PARD3: variants seen among roughly 807,000 people sequenced by gnomAD.
The protein encoded by PARD3 is par-3 family cell polarity regulator, also known as partitioning defective 3 homolog.
In PARD3, 75 loss-of-function variants were observed where a neutral mutation model predicts 155.4. That is an observed-to-expected ratio of 0.48 (90% CI 0.40 to 0.58). PARD3 has a LOEUF of 0.58. Ranked by LOEUF, PARD3 falls within the 20% of genes least tolerant of loss-of-function variation. The pLI is 0.00. For missense variants in PARD3, 1,642 were observed against 1,721.7 expected, an observed-to-expected ratio of 0.95 and a Z score of 0.82; for synonymous variants, 576 against 610.5, an observed-to-expected ratio of 0.94 and a Z score of 0.83.
chr10:34,158,468 A>G (rs1949120080), intron 22 of PARD3, among the ~76,000 whole-genome samples: 1 of 152,208 alleles, frequency 6.6e-6, no homozygotes, highest in Non-Finnish European at 1.5e-5. Flanking sequence ...GCTAGGGTGA[A>G]AGCTAAGCAA....
intron 7 of PARD3, among the ~76,000 whole-genome samples, chr10:34,397,757 T>C (rs567386968): frequency 1.3e-5 from 2 of 152,320 alleles, no homozygotes; most frequent in African/African-American, 4.8e-5. Context: ...GTAATTGAAA[T>C]GCTGGCTCAA....
intron 23 of PARD3, among the ~76,000 whole-genome samples, chr10:34,128,107 G>A (rs1006660463): frequency 6.6e-6 from 1 of 152,170 alleles, no homozygotes; most frequent in Admixed American, 6.6e-5. Context: ...TTGATTTCAT[G>A]AGGTGCTTTT....
chr10:34,229,661 CGTGTGTGT>C (rs57319517), intron 22 of PARD3, among the ~76,000 whole-genome samples: 5 of 145,618 alleles, frequency 3.4e-5, no homozygotes, highest in African/African-American at 5.0e-5. Context: ...GTTGAGGGTG[CGTGTGTGT>C]GTGTGTGTGT....
At chr10:34,691,193 C>A (rs1014703380) in intron 2 of PARD3, among the ~76,000 whole-genome samples, 2 of 152,058 alleles carry the variant, frequency 1.3e-5, no homozygotes, top group African/African-American at 4.8e-5. Flanking sequence ...CCTAGAAAAC[C>A]CCACAGTCTC....
At chr10:34,291,145 T>A (rs892420446) in intron 20 of PARD3, among the ~76,000 whole-genome samples, 5 of 152,198 alleles carry the variant, frequency 3.3e-5, no homozygotes, top group African/African-American at 1.2e-4. Flanking sequence ...TTGCTTAAAG[T>A]CCTAATAGGT....
At chr10:34,492,721 T>C (rs746483044) in intron 3 of PARD3, among the ~76,000 whole-genome samples, 1 of 151,756 alleles carries the variant, frequency 6.6e-6, no homozygotes, top group Non-Finnish European at 1.5e-5. Context: ...CAGAAATGTG[T>C]TGGGTACCCT....
At position 34,814,936 on chromosome 10, in the gene PARD3, G is replaced by T; in HGVS notation, c.60C>A (p.His20Gln). ...TRVVVPCGDG[H>Q]MKVFSLIQQA... ...GCTGGATGAGGCTGAAAACTTTCAT[G>T]TGGCCGTCCCCGCACGGCACGACCA... Residue 20 changes from histidine (H) to glutamine (Q), a missense_variant, in exon 1 of 25, where the codon CAC becomes CAA. His to Gln is a conservative substitution (Grantham distance 24). Around this residue, in one of 3 missense-constraint regions of PARD3, gnomAD observed 75 missense variants for 65.3 expected, o/e 1.15. Coordinates refer to ENST00000374788, the MANE Select transcript of PARD3 (RefSeq NM_001184785.2). 6.4e-7 allele frequency: 1 copy of T among 1,567,486 alleles called. No individual in the cohort carries two copies. The highest frequency in any genetic ancestry group is 8.6e-7 in the Non-Finnish European group (1 of 1,159,038).
intron 1 of PARD3, among the ~76,000 whole-genome samples, chr10:34,743,390 G>C (rs1381661121): frequency 6.6e-6 from 1 of 152,190 alleles, no homozygotes; most frequent in Non-Finnish European, 1.5e-5. Context: ...CTTCAGATCA[G>C]TTTCTTTGAT....
intron 7 of PARD3, among the ~76,000 whole-genome samples, chr10:34,384,636 C>T (rs897125889): frequency 3.9e-5 from 6 of 152,134 alleles, no homozygotes; most frequent in East Asian, 1.9e-4. Context: ...CCAGCTGGCA[C>T]GCTAGCTTAA....
intron 2 of PARD3, among the ~76,000 whole-genome samples, chr10:34,529,741 CT>C (rs34318724): frequency 2.0e-5 from 3 of 149,782 alleles, no homozygotes; most frequent in African/African-American, 2.5e-5. Context: ...TTTTACTTTA[CT>C]TTTTTTTTTG....
chr10:34,618,110 C>A (rs545974060), intron 2 of PARD3, among the ~76,000 whole-genome samples: 12 of 152,266 alleles, frequency 7.9e-5, no homozygotes, highest in Non-Finnish European at 1.8e-4. Context: ...AAAAACAAAG[C>A]ACAAATCCTC....
intron 18 of PARD3, among the ~76,000 whole-genome samples, chr10:34,334,483 A>G (rs1439403676): frequency 6.6e-6 from 1 of 151,840 alleles, no homozygotes; most frequent in African/African-American, 2.4e-5. Flanking sequence ...TGATTCTCCC[A>G]AAAACCTTTG....
At chr10:34,121,084 A>T (rs192173342) in intron 23 of PARD3, among the ~76,000 whole-genome samples, 286 of 152,138 alleles carry the variant, frequency 1.9e-3, no homozygotes, top group African/African-American at 6.4e-3. Flanking sequence ...AAAAGGAAAA[A>T]CGAAAAGAAA....
chr10:34,129,062 A>C (rs529259318), intron 23 of PARD3, among the ~76,000 whole-genome samples: 9 of 152,332 alleles, frequency 5.9e-5, no homozygotes, highest in South Asian at 2.1e-4. Flanking sequence ...AGTCAACTAG[A>C]GGGGTTCTAC....
chr10:34,781,255 C>G (rs1006384229), intron 1 of PARD3, among the ~76,000 whole-genome samples: 6 of 152,240 alleles, frequency 3.9e-5, no homozygotes. Context: ...AGATACCCCT[C>G]TGCAGGAGGC....
intron 22 of PARD3, among the ~76,000 whole-genome samples, chr10:34,140,459 A>G (rs777996892): frequency 5.3e-5 from 8 of 152,214 alleles, no homozygotes; most frequent in Non-Finnish European, 1.2e-4. Context: ...AAAAAGTATT[A>G]ATCGCTAAAT....
intron 2 of PARD3, among the ~76,000 whole-genome samples, chr10:34,631,021 C>T (rs1483487762): frequency 2.0e-5 from 3 of 151,758 alleles, no homozygotes; most frequent in African/African-American, 4.8e-5. Context: ...TGCTATGTTG[C>T]CCAGGCTGCT....
At chr10:34,332,414 C>CA (rs1480998400) in intron 18 of PARD3, among the ~76,000 whole-genome samples, 1 of 151,852 alleles carries the variant, frequency 6.6e-6, no homozygotes, top group Non-Finnish European at 1.5e-5. Flanking sequence ...GTTAAAAAGA[C>CA]AGGTGAAAAA....
chr10:34,650,736 G>C (rs2092984698), intron 2 of PARD3, among the ~76,000 whole-genome samples: 1 of 152,142 alleles, frequency 6.6e-6, no homozygotes, highest in African/African-American at 2.4e-5. Flanking sequence ...GTCCAGCCGG[G>C]CACAGCGGCT....
Sources: gnomAD v4.1 joint callset for allele counts (sites outside exome capture counted in the v4.1 genomes callset) on GRCh38, gnomAD v4.1.1 for gene constraint, gnomAD v4.1.1 regional missense constraint, MANE v1.5 for transcripts, NCBI Gene and HGNC (gene_info 2026-07-23, HGNC 2026-07-21) for gene names.